The following CACNA2D3 variants were observed in gnomAD, a reference collection of about 807,000 sequenced individuals.
CACNA2D3 encodes calcium voltage-gated channel auxiliary subunit alpha2delta 3, also known as voltage-dependent calcium channel subunit alpha-2/delta-3.
CACNA2D3 carries 60 observed loss-of-function variants against 160.6 expected under a neutral mutation model. The ratio of observed to expected loss-of-function variants is 0.37; its 90% CI spans 0.30 to 0.46. The LOEUF is 0.46. CACNA2D3 is among the 20% of genes least tolerant of loss of function. CACNA2D3 has a pLI of 1.00. For missense variants in CACNA2D3, 1,205 were observed against 1,365.0 expected (o/e 0.88, Z 1.85); for synonymous variants, 558 against 492.9 (o/e 1.13, Z -1.75).
At chr3:54,499,344 T>C (rs1204284999) in intron 4 of CACNA2D3, among the ~76,000 whole-genome samples, 2 of 152,200 alleles carry the variant, frequency 1.3e-5, no homozygotes, top group Non-Finnish European at 2.9e-5. Flanking sequence ...TACTATAATT[T>C]TAAAAAGAAC....
At chr3:54,988,187 T>C (rs1702659202) in intron 31 of CACNA2D3, among the ~76,000 whole-genome samples, 1 of 152,226 alleles carries the variant, frequency 6.6e-6, no homozygotes, top group African/African-American at 2.4e-5. Flanking sequence ...CTTGATGTTG[T>C]TTTAGAAAAT....
intron 31 of CACNA2D3, among the ~76,000 whole-genome samples, chr3:54,996,604 A>G (rs535539772): frequency 1.3e-5 from 2 of 152,232 alleles, no homozygotes; most frequent in South Asian, 2.1e-4. Context: ...GGGCACTCAC[A>G]CTTGTTTATC....
chr3:54,148,314 G>A (rs1700075611), intron 2 of CACNA2D3, among the ~76,000 whole-genome samples: 1 of 152,240 alleles, frequency 6.6e-6, no homozygotes, highest in Non-Finnish European at 1.5e-5. Context: ...AGAATGGTCA[G>A]AAATGCCTTC....
intron 27 of CACNA2D3, among the ~76,000 whole-genome samples, chr3:54,939,244 A>G (rs956188470): frequency 6.6e-6 from 1 of 152,180 alleles, no homozygotes; most frequent in African/African-American, 2.4e-5. Context: ...CCACCACTCC[A>G]GGGTAGGAAC....
chr3:54,461,734 G>A (rs1700509068), intron 4 of CACNA2D3, among the ~76,000 whole-genome samples: 1 of 151,732 alleles, frequency 6.6e-6, no homozygotes, highest in African/African-American at 2.4e-5. Context: ...CCAGCTCCTG[G>A]ATTGATTAAT....
chr3:54,918,534 A>G, intron 27 of CACNA2D3: 1 of 1,613,742 alleles, frequency 6.2e-7, no homozygotes, highest in Non-Finnish European at 8.5e-7. Flanking sequence ...AGGGTCCCCC[A>G]TGGTACTGGG....
At chr3:54,198,759 C>T (rs73085981) in intron 2 of CACNA2D3, among the ~76,000 whole-genome samples, 19,400 of 152,284 alleles carry the variant, frequency 0.13, 1,491 homozygotes, top group Middle Eastern at 0.19. Flanking sequence ...TGCCTGGTGG[C>T]GTCCTTGCAG....
intron 9 of CACNA2D3, among the ~76,000 whole-genome samples, chr3:54,618,375 G>GAACA: frequency 8.7e-6 from 1 of 115,514 alleles, no homozygotes; most frequent in African/African-American, 3.4e-5. Flanking sequence ...ATATATATAT[G>GAACA]CACACACACA....
chr3:54,347,028 G>C (rs1486349680), intron 3 of CACNA2D3, among the ~76,000 whole-genome samples: 1 of 152,248 alleles, frequency 6.6e-6, no homozygotes, highest in African/African-American at 2.4e-5. Context: ...GTGGCTGACT[G>C]TGAAGGTTAC....
At chr3:54,841,895 T>C (rs1473760887) in intron 16 of CACNA2D3, among the ~76,000 whole-genome samples, 1 of 152,182 alleles carries the variant, frequency 6.6e-6, no homozygotes, top group Non-Finnish European at 1.5e-5. Flanking sequence ...AGAATATGCC[T>C]CTGGTCCAGG....
At chr3:54,915,347 A>G (rs187601696) in intron 27 of CACNA2D3, among the ~76,000 whole-genome samples, 155 of 152,322 alleles carry the variant, frequency 1.0e-3, no homozygotes, top group Admixed American at 2.4e-3. Flanking sequence ...TGGCAAGGCA[A>G]AAATCACCCG....
intron 31 of CACNA2D3, among the ~76,000 whole-genome samples, chr3:54,992,050 C>T (rs1301898967): frequency 2.0e-5 from 3 of 152,104 alleles, no homozygotes; most frequent in African/African-American, 7.2e-5. Flanking sequence ...GATTCATGGA[C>T]CTGAACTCTC....
At chr3:54,275,396 G>C (rs1702713000) in intron 2 of CACNA2D3, among the ~76,000 whole-genome samples, 1 of 152,000 alleles carries the variant, frequency 6.6e-6, no homozygotes, top group Non-Finnish European at 1.5e-5. Flanking sequence ...AAAAATTCAA[G>C]TTCAAAAACA....
intron 3 of CACNA2D3, among the ~76,000 whole-genome samples, chr3:54,344,072 T>C (rs1698412814): frequency 6.6e-6 from 1 of 152,186 alleles, no homozygotes; most frequent in Non-Finnish European, 1.5e-5. Flanking sequence ...TTGCTGCAAA[T>C]TATCTCACCA....
chr3:54,544,327 C>G (rs1472530259), intron 5 of CACNA2D3, among the ~76,000 whole-genome samples: 2 of 149,998 alleles, frequency 1.3e-5, no homozygotes. Context: ...CTTTATTATT[C>G]TATCTTTATA....
chr3:54,564,486 G>A (rs985647213), intron 6 of CACNA2D3, among the ~76,000 whole-genome samples: 3 of 152,170 alleles, frequency 2.0e-5, no homozygotes, highest in Non-Finnish European at 2.9e-5. Context: ...TAAATGTCAT[G>A]TGGCCACTCA....
chr3:54,804,028 C>A (rs1183010438), intron 13 of CACNA2D3, among the ~76,000 whole-genome samples: 6 of 151,954 alleles, frequency 3.9e-5, no homozygotes. Flanking sequence ...CACCACCAGG[C>A]CTGCCCTAAA....
intron 27 of CACNA2D3, among the ~76,000 whole-genome samples, chr3:54,938,412 G>A (rs1701381845): frequency 6.6e-6 from 1 of 152,188 alleles, no homozygotes; most frequent in Non-Finnish European, 1.5e-5. Flanking sequence ...CTAGTCCAGT[G>A]CTTGAAGCAG....
At chr3:54,681,274 C>T (rs1422543504) in intron 11 of CACNA2D3, among the ~76,000 whole-genome samples, 2 of 149,752 alleles carry the variant, frequency 1.3e-5, no homozygotes, top group Admixed American at 6.7e-5. Context: ...CGGTGGCTCA[C>T]ACCTGTAATC....
Sources: gnomAD v4.1 joint callset for allele counts (sites outside exome capture counted in the v4.1 genomes callset) on GRCh38, gnomAD v4.1.1 for gene constraint, MANE v1.5 for transcripts, NCBI Gene and HGNC (gene_info 2026-07-23, HGNC 2026-07-21) for gene names.